Variants in NF1 observed in about 807,000 individuals in gnomAD.
NF1 encodes neurofibromin.
In NF1, 122 loss-of-function variants were observed where a neutral mutation model predicts 325.7. The observed-to-expected ratio is 0.37, with a 90% confidence interval of 0.32 to 0.44. The LOEUF is 0.44. NF1 is among the 20% of genes least tolerant of loss of function. NF1 has a pLI of 1.00. For missense variants in NF1, 2,140 were observed against 3,415.4 expected (o/e 0.63, Z 9.31); for synonymous variants, 1,091 against 1,186.0 (o/e 0.92, Z 1.65).
chr17:31,349,240 CCTA>C lies in NF1; in HGVS notation c.7313_7315del (p.Tyr2438del). The C allele has an allele frequency of 6.2e-7, 1 of 1,612,882 alleles. No individual in the cohort carries two copies. Among genetic ancestry groups the C allele is most frequent in the Non-Finnish European group, 8.5e-7 (1 of 1,179,682 alleles). ...TTTGAAGTGAATACACAGAGCGTGG[CCTA>C]CTTAGCAGGTAAAAACACAAAATAA... On this transcript the variant is annotated inframe_deletion, in exon 49 of 58. Coordinates refer to ENST00000358273, the MANE Select transcript of NF1 (RefSeq NM_001042492.3).
intron 5 of NF1, among the ~76,000 whole-genome samples, chr17:31,176,651 T>A (rs2066028152): frequency 6.6e-6 from 1 of 152,214 alleles, no homozygotes; most frequent in Non-Finnish European, 1.5e-5. Flanking sequence ...GTCTTATGTT[T>A]AAGTCTTTAA....
intron 20 of NF1, 78 bp downstream of exon 20, chr17:31,227,684 G>A: frequency 7.7e-7 from 1 of 1,292,432 alleles, no homozygotes; most frequent in East Asian, 2.4e-5. Flanking sequence ...TCTTTCAAGA[G>A]TCGCTCAGTA....
intron 30 of NF1, chr17:31,252,054 G>C (rs1182523808): frequency 4.7e-6 from 1 of 213,330 alleles, no homozygotes; most frequent in African/African-American, 2.3e-5. Context: ...AGAAATCTTT[G>C]GTCTAGAAAG....
intron 1 of NF1, among the ~76,000 whole-genome samples, chr17:31,140,904 A>G (rs959762630): frequency 1.2e-4 from 18 of 152,232 alleles, no homozygotes; most frequent in African/African-American, 3.9e-4. Flanking sequence ...TTAAAAAGTC[A>G]AGTATACGGA....
chr17:31,301,957 A>G (rs2068582048), intron 36 of NF1, among the ~76,000 whole-genome samples: 1 of 152,166 alleles, frequency 6.6e-6, no homozygotes, highest in Admixed American at 6.5e-5. Context: ...TCTTTTCTCT[A>G]AAAGATTTTT....
chr17:31,254,066 G>A (rs530100543), intron 31 of NF1: 29 of 151,714 alleles, frequency 1.9e-4, no homozygotes, highest in African/African-American at 7.0e-4. Context: ...AAGAGTTAAA[G>A]ACCAGCTTGG....
chr17:31,331,517 C>T (rs1385308049), intron 39 of NF1: 1 of 152,040 alleles, frequency 6.6e-6, no homozygotes, highest in Non-Finnish European at 1.5e-5. Context: ...GTACAGATGT[C>T]TGAACACTTT....
intron 11 of NF1, among the ~76,000 whole-genome samples, chr17:31,204,558 TG>T (rs1395763747): frequency 3.3e-5 from 5 of 152,032 alleles, no homozygotes; most frequent in African/African-American, 1.2e-4. Flanking sequence ...TATTTGAAAA[TG>T]TGTATTTTAC....
intron 36 of NF1, among the ~76,000 whole-genome samples, chr17:31,276,688 T>G (rs897675714): frequency 2.0e-5 from 3 of 152,128 alleles, no homozygotes; most frequent in Admixed American, 2.0e-4. Context: ...TCTACTGGAG[T>G]GTTACATAAT....
Position 31,376,444 on chromosome 17 carries a change from A to G in NF1, c.*2289A>G. On this transcript the variant is annotated 3_prime_UTR_variant, in exon 58 of 58. Transcript: ENST00000358273. ...TCAGCCGCCTTTGAAATGCAAAAAT[A>G]CCTTTGACTAGTAAGTACATCCTAG... 2 of 232,786 alleles carry G rather than the reference A, an allele frequency of 8.6e-6. No individual in the cohort carries two copies. The highest frequency in any genetic ancestry group is 1.7e-5 in the Non-Finnish European group (2 of 117,736). 14.4% of individuals were successfully genotyped at this position (232,786 alleles called of 1,614,324 possible).
intron 36 of NF1, among the ~76,000 whole-genome samples, chr17:31,322,487 G>A: frequency 1.1e-5 from 1 of 87,566 alleles, no homozygotes; most frequent in African/African-American, 4.4e-5. Flanking sequence ...GGAAGACAGA[G>A]TAAGACTCTG....
chr17:31,202,060 C>G (rs2066540185), intron 11 of NF1, among the ~76,000 whole-genome samples: 4 of 152,074 alleles, frequency 2.6e-5, no homozygotes, highest in Admixed American at 2.0e-4. Flanking sequence ...GCATATCAGA[C>G]AAAGTAAGTG....
At chr17:31,312,953 T>C (rs747295775) in intron 36 of NF1, among the ~76,000 whole-genome samples, 65 of 152,168 alleles carry the variant, frequency 4.3e-4, no homozygotes, top group Non-Finnish European at 8.1e-4. Flanking sequence ...TTCTATCTTA[T>C]ACTATGTTCT....
In NF1 at chr17:31,258,423, T is replaced by C; in HGVS notation, c.4253T>C (p.Ile1418Thr). The change falls in exon 32 of 58, where the codon ATT becomes ACT. Residue 1418 changes from isoleucine (I) to threonine (T), a missense_variant. By Grantham distance (89) the Ile-to-Thr change is moderately conservative. This residue lies in a region of NF1 where 336 missense variants were observed against 399.0 expected (regional missense o/e 0.84). Transcript: ENST00000358273. ...AMFLRFINPA[I>T]VSPYEAGILD... ...TTCCTCAGATTTATCAATCCTGCCATTGTCTCACCGTATGAAGCAGGGATT... is the reference window on the plus strand; with the variant it reads ...TTCCTCAGATTTATCAATCCTGCCACTGTCTCACCGTATGAAGCAGGGATT... The C allele has an allele frequency of 6.2e-7, 1 of 1,613,980 alleles. No individual in the cohort carries two copies. The highest frequency in any genetic ancestry group is 8.5e-7 in the Non-Finnish European group (1 of 1,179,916).
chr17:31,212,275 G>A (rs975608977), intron 12 of NF1, among the ~76,000 whole-genome samples: 2 of 152,206 alleles, frequency 1.3e-5, no homozygotes, highest in African/African-American at 2.4e-5. Flanking sequence ...CCATTGGAAG[G>A]TTTTTAGGGG....
intron 1 of NF1, among the ~76,000 whole-genome samples, chr17:31,148,311 A>T (rs1916714406): frequency 2.0e-5 from 3 of 151,800 alleles, no homozygotes; most frequent in Admixed American, 2.0e-4. Flanking sequence ...CCTCTTTAAA[A>T]TTCATTCCTA....
rs1060500376 is a variant in NF1, at chr17:31,337,881, G to T, written c.6704+1G>T. 6.2e-7 allele frequency: 1 copy of T among 1,613,108 alleles called. No individual in the cohort carries two copies. Among genetic ancestry groups the T allele is most frequent in the African/African-American group, 1.3e-5 (1 of 74,862 alleles). Reference sequence around the variant, plus strand: ...ACCAGTGGACAGAACTAGCTCAAAGGTATGTCCTAAATTAAATATAAGTTG... The same window carrying T: ...ACCAGTGGACAGAACTAGCTCAAAGTTATGTCCTAAATTAAATATAAGTTG... On this transcript the variant is annotated splice_donor_variant, in intron 44 of 57. Transcript: ENST00000358273. LOFTEE classifies it high-confidence loss of function.
chr17:31,109,935 C>T (rs951012968), intron 1 of NF1, among the ~76,000 whole-genome samples: 1 of 151,940 alleles, frequency 6.6e-6, no homozygotes, highest in Non-Finnish European at 1.5e-5. Flanking sequence ...TCTTAAATGT[C>T]CTTATAAATA....
At chr17:31,208,244 CCTAAG>C (rs1304619843) in intron 12 of NF1, among the ~76,000 whole-genome samples, 1 of 151,994 alleles carries the variant, frequency 6.6e-6, no homozygotes, top group African/African-American at 2.4e-5. Context: ...CAAAATCATT[CCTAAG>C]CTGTTTATGT....
Sources: gnomAD v4.1 joint callset for allele counts (sites outside exome capture counted in the v4.1 genomes callset) on GRCh38, gnomAD v4.1.1 for gene constraint, gnomAD v4.1.1 regional missense constraint, MANE v1.5 for transcripts, NCBI Gene and HGNC (gene_info 2026-07-23, HGNC 2026-07-21) for gene names.